Variants in MARCHF3 observed in about 807,000 individuals in gnomAD.
The protein encoded by MARCHF3 is E3 ubiquitin-protein ligase MARCHF3.
MARCHF3 carries 13 observed loss-of-function variants against 24.2 expected under a neutral mutation model. The ratio of observed to expected loss-of-function variants is 0.54; its 90% CI spans 0.35 to 0.85. The LOEUF (loss-of-function observed/expected upper bound fraction) is 0.85, where lower values mean the gene tolerates loss of function less well. Ranked by LOEUF, MARCHF3 falls within the 40% of genes least tolerant of loss-of-function variation. MARCHF3 has a pLI of 0.01. For synonymous variants in MARCHF3, 144 were observed against 137.3 expected, an observed-to-expected ratio of 1.05 and a Z score of -0.34; for missense variants, 276 against 325.0, an observed-to-expected ratio of 0.85 and a Z score of 1.16.
chr5:126,904,863 G>T (rs1754232016), intron 3 of MARCHF3, among the ~76,000 whole-genome samples: 1 of 145,918 alleles, frequency 6.9e-6, no homozygotes, highest in African/African-American at 2.6e-5. Context: ...CATTGCTTTT[G>T]GTGTTTTAGA....
intron 1 of MARCHF3, among the ~76,000 whole-genome samples, chr5:126,942,020 C>T (rs187141744): frequency 1.3e-5 from 2 of 152,328 alleles, no homozygotes; most frequent in African/African-American, 4.8e-5. Context: ...ATTAACTTCA[C>T]AACCCCATCA....
chr5:126,916,187 A>G (rs1425392927), intron 2 of MARCHF3, among the ~76,000 whole-genome samples: 2 of 152,176 alleles, frequency 1.3e-5, no homozygotes, highest in African/African-American at 4.8e-5. Context: ...CTTGGGAGGT[A>G]CCCTGCCCTG....
chr5:126,887,271 T>A (rs1442558918), intron 3 of MARCHF3, among the ~76,000 whole-genome samples: 1 of 152,198 alleles, frequency 6.6e-6, no homozygotes, highest in Non-Finnish European at 1.5e-5. Flanking sequence ...AAATCACATC[T>A]TTATTTTCAT....
In MARCHF3 at chr5:126,892,432, A is replaced by G. The variant is rs1360276852; in HGVS notation, c.394-14038T>C. On this transcript the variant is annotated intron_variant, in intron 3 of 4. Coordinates refer to ENST00000308660, the MANE Select transcript of MARCHF3 (RefSeq NM_178450.5). Reference sequence around the variant, plus strand: ...ATGATATTGGCTGTGGGTTTGTCATAGATAGCTCTTATTATTTTGAGATAC... The same window carrying G: ...ATGATATTGGCTGTGGGTTTGTCATGGATAGCTCTTATTATTTTGAGATAC... Among the ~76,000 whole-genome samples, 680 of 146,336 alleles carry G rather than the reference A, an allele frequency of 4.6e-3. 4 individuals are homozygous for G. The highest frequency in any genetic ancestry group is 0.017 in the African/African-American group (640 of 38,174).
At chr5:126,929,513 T>A (rs1364777782) in intron 1 of MARCHF3, among the ~76,000 whole-genome samples, 6 of 152,224 alleles carry the variant, frequency 3.9e-5, no homozygotes, top group Non-Finnish European at 8.8e-5. Flanking sequence ...TTCCCTTCTA[T>A]ATTTAGTAGC....
chr5:126,887,173 A>G (rs1753534229), intron 3 of MARCHF3, among the ~76,000 whole-genome samples: 1 of 152,206 alleles, frequency 6.6e-6, no homozygotes, highest in Admixed American at 6.5e-5. Flanking sequence ...CATGGCCTAC[A>G]AAGCCCTGCA....
At chr5:126,885,655 CA>C (rs1434258267) in intron 3 of MARCHF3, among the ~76,000 whole-genome samples, 1 of 151,954 alleles carries the variant, frequency 6.6e-6, no homozygotes, top group Non-Finnish European at 1.5e-5. Context: ...TAGGTCTGAC[CA>C]GAAATGATCT....
At chr5:126,897,709 C>A (rs1753969402) in intron 3 of MARCHF3, among the ~76,000 whole-genome samples, 1 of 152,076 alleles carries the variant, frequency 6.6e-6, no homozygotes, top group African/African-American at 2.4e-5. Context: ...GGGCCAGTTT[C>A]CTCATTTATA....
At chr5:126,884,017 G>A (rs73335447) in intron 3 of MARCHF3, among the ~76,000 whole-genome samples, 13,718 of 152,240 alleles carry the variant, frequency 0.09, 1,377 homozygotes, top group African/African-American at 0.25. Context: ...TGAGTCTCCT[G>A]TTAGGCTGAC....
intron 1 of MARCHF3, among the ~76,000 whole-genome samples, chr5:127,019,090 A>C (rs1367843326): frequency 1.3e-5 from 2 of 152,342 alleles, no homozygotes; most frequent in African/African-American, 4.8e-5. Flanking sequence ...AAGATCATAC[A>C]CTTATTTAGT....
At chr5:127,009,711 C>T (rs969480682) in intron 1 of MARCHF3, among the ~76,000 whole-genome samples, 1 of 152,190 alleles carries the variant, frequency 6.6e-6, no homozygotes, top group African/African-American at 2.4e-5. Flanking sequence ...TCTGCCCCCA[C>T]AAAATCTTGT....
chr5:126,984,854 G>T (rs1022758133), intron 1 of MARCHF3, among the ~76,000 whole-genome samples: 9 of 152,320 alleles, frequency 5.9e-5, no homozygotes, highest in Middle Eastern at 3.4e-3. Flanking sequence ...ATGAGGTCTG[G>T]CCTGAAACTG....
At chr5:126,964,690 C>G (rs990636784) in intron 1 of MARCHF3, among the ~76,000 whole-genome samples, 4 of 152,226 alleles carry the variant, frequency 2.6e-5, no homozygotes, top group Non-Finnish European at 5.9e-5. Flanking sequence ...ATTGCAGATA[C>G]ATCTTAATCT....
In MARCHF3 at chr5:127,013,867, A is replaced by G. The variant is rs535106005; in HGVS notation, c.-57+16483T>C. Among the ~76,000 whole-genome samples, 7 of 152,290 alleles carry G rather than the reference A, an allele frequency of 4.6e-5. No individual in the cohort carries two copies. The South Asian group carries it at 1.2e-3, about 27-fold the overall frequency. ...TATCCATATGCAGAAGAATGAAACT[A>G]GATCCTACCTCTGCCCCTATATAAA... On this transcript the variant is annotated intron_variant, in intron 1 of 4. Coordinates refer to ENST00000308660, the MANE Select transcript of MARCHF3 (RefSeq NM_178450.5).
chr5:126,906,317 G>A (rs1357248316), intron 3 of MARCHF3, among the ~76,000 whole-genome samples: 1 of 152,202 alleles, frequency 6.6e-6, no homozygotes, highest in Non-Finnish European at 1.5e-5. Context: ...GTATCAGGAT[G>A]ATGCTGACCT....
chr5:126,954,850 C>T lies in MARCHF3; in HGVS notation c.-56-36623G>A, dbSNP rs1322283382. Among the ~76,000 whole-genome samples, 3 of 151,686 alleles carry T rather than the reference C, an allele frequency of 2.0e-5. No individual in the cohort carries two copies. In the East Asian group the frequency reaches 5.8e-4, roughly 29 times the overall value. On this transcript the variant is annotated intron_variant, in intron 1 of 4. Coordinates refer to ENST00000308660, the MANE Select transcript of MARCHF3 (RefSeq NM_178450.5). ...CTCCTGTTTCCCAATGCCTACCCTC[C>T]TTCTTCTCCTTTCCTCTTTCTCTTT...
At chr5:127,023,420 G>T (rs182059346) in intron 1 of MARCHF3, among the ~76,000 whole-genome samples, 1 of 151,916 alleles carries the variant, frequency 6.6e-6, no homozygotes, top group Non-Finnish European at 1.5e-5. Context: ...AAAATTGCTG[G>T]AATTATTTTT....
chr5:127,010,656 T>C (rs1752442992), intron 1 of MARCHF3, among the ~76,000 whole-genome samples: 1 of 152,218 alleles, frequency 6.6e-6, no homozygotes, highest in African/African-American at 2.4e-5. Flanking sequence ...CTATGCTCTG[T>C]ATTTAAGCTG....
chr5:126,972,050 G>A (rs1020844534), intron 1 of MARCHF3, among the ~76,000 whole-genome samples: 2 of 152,054 alleles, frequency 1.3e-5, no homozygotes, highest in East Asian at 3.8e-4. Context: ...CAGACTCCCT[G>A]GCTCTGCAAT....
Sources: gnomAD v4.1 joint callset for allele counts (sites outside exome capture counted in the v4.1 genomes callset) on GRCh38, gnomAD v4.1.1 for gene constraint, MANE v1.5 for transcripts, NCBI Gene and HGNC (gene_info 2026-07-23, HGNC 2026-07-21) for gene names.